The following TOMM70 variants were observed in gnomAD, a reference collection of about 807,000 sequenced individuals.
TOMM70 encodes the protein translocase of outer mitochondrial membrane 70.
TOMM70 carries 13 observed loss-of-function variants against 73.6 expected under a neutral mutation model. The observed-to-expected ratio is 0.18, with a 90% CI of 0.11 to 0.28. The LOEUF (loss-of-function observed/expected upper bound fraction) is 0.28. Among genes scored for constraint, TOMM70 ranks in the 10% least tolerant of loss-of-function variants. TOMM70 has a pLI of 1.00. For synonymous variants in TOMM70, 257 were observed against 271.2 expected (o/e 0.95, Z 0.51); for missense variants, 609 against 747.5 (o/e 0.81, Z 2.16).
chr3:100,396,256 A>G (rs1241320193), intron 1 of TOMM70, among the ~76,000 whole-genome samples: 1 of 152,172 alleles, frequency 6.6e-6, no homozygotes, highest in East Asian at 1.9e-4. Context: ...CAGTTTATGC[A>G]GTCCTCGACC....
intron 1 of TOMM70, among the ~76,000 whole-genome samples, chr3:100,390,218 A>C (rs1706742751): frequency 6.6e-6 from 1 of 152,242 alleles, no homozygotes; most frequent in South Asian, 2.1e-4. Flanking sequence ...ACTATACAAT[A>C]ACCAACAGTG....
Position 100,386,791 on chromosome 3 carries a change from C to G in TOMM70, c.498+14G>C, listed in dbSNP as rs968315387. ...GAAAGAAAAGGAACAGAAGAAACAA[C>G]CTAGAGTACATACCAACTGTTCAAA... On this transcript the variant is annotated intron_variant, in intron 2 of 11. Transcript: ENST00000284320. 2 of 1,610,344 alleles carry G rather than the reference C, an allele frequency of 1.2e-6. No homozygotes were observed. The highest frequency in any genetic ancestry group is 2.7e-5 in the African/African-American group (2 of 74,612).
At position 100,400,757 on chromosome 3, in the gene TOMM70, G is replaced by A; in HGVS notation, c.193C>T (p.Arg65Cys). ...AIYLWSRQQR[R>C]REARGRGDAS... The stretch of plus-strand genomic sequence containing the variant: ...TCGCCCCGGCCTCTGGCCTCCCGGC[G>A]CCGTTGCTGCCGACTCCACAGGTAT... The change falls in exon 1 of 12, where the codon CGC (arginine) becomes TGC (cysteine). Residue 65 changes from arginine (R) to cysteine (C), a missense_variant. By Grantham distance (180) the Arg-to-Cys change is radical. Around this residue, in one of 2 missense-constraint regions of TOMM70, gnomAD observed 177 missense variants for 163.5 expected, o/e 1.08. Coordinates refer to ENST00000284320, the MANE Select transcript of TOMM70 (RefSeq NM_014820.5). The A allele has an allele frequency of 6.3e-7, 1 of 1,589,838 alleles. No homozygotes were observed. The highest frequency in any genetic ancestry group is 8.5e-7 in the Non-Finnish European group (1 of 1,171,864).
rs576152430 is a variant in TOMM70 at position 100,381,834 on chromosome 3, C to T, written c.736-71G>A. The T allele has an allele frequency of 9.2e-5, 128 of 1,393,322 alleles. No individual in the cohort carries two copies. The African/African-American group carries it at 1.4e-3, about 16-fold the overall frequency. 86.3% of individuals were successfully genotyped at this position (1,393,322 alleles called of 1,614,324 possible). A position where few individuals can be genotyped will look rare whatever the true frequency, so the allele number is the denominator to read the frequency against. ...CCAAAGAAGCAGGTACATTGTAGAA[C>T]GCTAAGAATAACTGTCATAAAAATT... On this transcript the variant is annotated intron_variant, in intron 4 of 11. Transcript: ENST00000284320.
chr3:100,401,045 T>G lies in TOMM70; in HGVS notation c.-96A>C. The G allele has an allele frequency of 7.7e-7, 1 of 1,305,866 alleles. No individual in the cohort carries two copies. Among genetic ancestry groups the G allele is most frequent in the South Asian group, 1.3e-5 (1 of 77,464 alleles). The allele number at this position is 1,305,866 out of a possible 1,614,324, so 80.9% of individuals were successfully genotyped here. Reference sequence around the variant, plus strand: ...AGACCGAGGGAGGGAAGGAAAGCAATGAGCGAGCGAGCACGCTAGGCAGAG... The same window carrying G: ...AGACCGAGGGAGGGAAGGAAAGCAAGGAGCGAGCGAGCACGCTAGGCAGAG... On this transcript the variant is annotated 5_prime_UTR_variant, in exon 1 of 12. Coordinates refer to ENST00000284320, the MANE Select transcript of TOMM70 (RefSeq NM_014820.5).
chr3:100,397,732 T>C (rs1706841355), intron 1 of TOMM70, among the ~76,000 whole-genome samples: 2 of 151,718 alleles, frequency 1.3e-5, no homozygotes, highest in Admixed American at 6.6e-5. Flanking sequence ...CTACTAAAAA[T>C]ACAAAAATTA....
At position 100,386,351 on chromosome 3, in the gene TOMM70, T is replaced by C; in HGVS notation, c.499-7A>G. 6.3e-7 allele frequency: 1 copy of C among 1,592,868 alleles called. No individual in the cohort carries two copies. The highest frequency in any genetic ancestry group is 1.2e-5 in the South Asian group (1 of 86,850). On this transcript the variant is annotated splice_region_variant and splice_polypyrimidine_tract_variant and intron_variant, in intron 2 of 11. Coordinates refer to ENST00000284320, the MANE Select transcript of TOMM70 (RefSeq NM_014820.5). ...CCACTTCTTTCCATTTTTGCTGTAA[T>C]TGAAAGTATTTAAAAAAAGTCACAC...
At chr3:100,387,460 A>C (rs903912488) in intron 1 of TOMM70, among the ~76,000 whole-genome samples, 2 of 151,790 alleles carry the variant, frequency 1.3e-5, no homozygotes, top group East Asian at 3.9e-4. Context: ...CTGCCCCCCC[A>C]AAAAAGCATG....
intron 1 of TOMM70, among the ~76,000 whole-genome samples, chr3:100,393,176 C>CAAA (rs534479540): frequency 1.1e-5 from 1 of 88,282 alleles, no homozygotes; most frequent in Non-Finnish European, 2.4e-5. Flanking sequence ...AACTCTGTCT[C>CAAA]AAAAAAAAAA....
intron 11 of TOMM70, among the ~76,000 whole-genome samples, chr3:100,366,839 C>T (rs1341874391): frequency 1.3e-5 from 2 of 152,168 alleles, no homozygotes; most frequent in Admixed American, 6.5e-5. Context: ...GAAGAATCCA[C>T]AGCTTCGCTC....
chr3:100,397,052 T>G (rs55969118), intron 1 of TOMM70, among the ~76,000 whole-genome samples: 10 of 152,324 alleles, frequency 6.6e-5, no homozygotes, highest in Non-Finnish European at 1.5e-4. Flanking sequence ...CAGACAATAT[T>G]TGTCTATTTA....
intron 1 of TOMM70, among the ~76,000 whole-genome samples, chr3:100,387,459 CA>C (rs1706704607): frequency 6.6e-6 from 1 of 151,644 alleles, no homozygotes; most frequent in Non-Finnish European, 1.5e-5. Context: ...CCTGCCCCCC[CA>C]AAAAAGCATG....
chr3:100,366,693 G>A (rs1385036305), intron 11 of TOMM70, among the ~76,000 whole-genome samples: 1 of 152,160 alleles, frequency 6.6e-6, no homozygotes, highest in Admixed American at 6.5e-5. Flanking sequence ...TTAATTGTAA[G>A]GTTCAGAATG....
intron 9 of TOMM70, 69 bp from the exon 10 acceptor site, chr3:100,369,204 ATTCAT>A: frequency 9.3e-7 from 1 of 1,076,256 alleles, no homozygotes; most frequent in Non-Finnish European, 1.4e-6. Flanking sequence ...TATACTTATT[ATTCAT>A]TATAAAAATT....
At chr3:100,374,157 C>A (rs1706539077) in intron 7 of TOMM70, among the ~76,000 whole-genome samples, 1 of 152,168 alleles carries the variant, frequency 6.6e-6, no homozygotes. Flanking sequence ...TTTTACTGTA[C>A]CTTTTCTATG....
chr3:100,401,074 G>C lies in TOMM70; in HGVS notation c.-125C>G. The C allele has an allele frequency of 9.2e-7, 1 of 1,091,658 alleles. No homozygotes were observed. The allele number at this position is 1,091,658 out of a possible 1,614,324, so 67.6% of individuals were successfully genotyped here. On this transcript the variant is annotated 5_prime_UTR_variant, in exon 1 of 12. Transcript: ENST00000284320. Reference sequence around the variant, plus strand: ...CGAGCGAGCACGCTAGGCAGAGAGAGCGGACGACAGAAAAGGGCCAGAGGT... The same window carrying C: ...CGAGCGAGCACGCTAGGCAGAGAGACCGGACGACAGAAAAGGGCCAGAGGT...
chr3:100,387,070 AC>A, intron 1 of TOMM70, 92 bp from the exon 2 acceptor site: 2 of 1,307,660 alleles, frequency 1.5e-6, no homozygotes, highest in Non-Finnish European at 2.1e-6. Context: ...AAACAGGAAG[AC>A]AGAATGGCTG....
intron 1 of TOMM70, among the ~76,000 whole-genome samples, chr3:100,387,615 C>CACACACACACAG (rs1706707941): frequency 7.0e-6 from 1 of 142,198 alleles, no homozygotes. Flanking sequence ...CACACACACA[C>CACACACACACAG]ACACACACAC....
intron 3 of TOMM70, among the ~76,000 whole-genome samples, chr3:100,384,923 G>A (rs1706673260): frequency 6.6e-6 from 1 of 152,140 alleles, no homozygotes; most frequent in Non-Finnish European, 1.5e-5. Flanking sequence ...GCTCTCTCAT[G>A]TCTGGTGTTT....
Sources: allele counts gnomAD v4.1 joint callset (sites outside exome capture counted in the v4.1 genomes callset), GRCh38; gene constraint gnomAD v4.1.1; regional missense constraint gnomAD v4.1.1; transcripts MANE v1.5; gene names NCBI Gene and HGNC (gene_info 2026-07-23, HGNC 2026-07-21).